The following XPO4 variants were observed in gnomAD, a reference collection of about 807,000 sequenced individuals.
The protein encoded by XPO4 is exportin 4, also known as exportin-4.
XPO4 carries 39 observed loss-of-function variants against 143.0 expected under a neutral mutation model. The observed-to-expected ratio is 0.27, with a 90% CI of 0.21 to 0.36. The LOEUF (loss-of-function observed/expected upper bound fraction) is 0.36, where lower values mean the gene tolerates loss of function less well. XPO4 is among the 10% of genes least tolerant of loss of function. The pLI is 1.00. For missense variants in XPO4, 907 were observed against 1,348.0 expected, an observed-to-expected ratio of 0.67 and a Z score of 5.12; for synonymous variants, 439 against 474.0, an observed-to-expected ratio of 0.93 and a Z score of 0.96.
intron 3 of XPO4, among the ~76,000 whole-genome samples, chr13:20,862,506 T>C (rs1284691779): frequency 6.6e-6 from 1 of 152,180 alleles, no homozygotes; most frequent in Non-Finnish European, 1.5e-5. Context: ...TTTTTTGTAC[T>C]TAGTAGAGAT....
chr13:20,859,949 G>A, intron 3 of XPO4: 4 of 631,770 alleles, frequency 6.3e-6, no homozygotes, highest in Non-Finnish European at 7.9e-6. Flanking sequence ...CGACAAGGGG[G>A]AGAAAAGGCT....
chr13:20,809,756 A>C (rs765824508), intron 10 of XPO4, 35 bp downstream of exon 10: 22 of 1,566,856 alleles, frequency 1.4e-5, no homozygotes, highest in Non-Finnish European at 1.7e-5. Context: ...CTATGATGAA[A>C]TAGACTGTTA....
At chr13:20,810,433 C>CA (rs1327250997) in intron 9 of XPO4, among the ~76,000 whole-genome samples, 1 of 152,124 alleles carries the variant, frequency 6.6e-6, no homozygotes, top group East Asian at 1.9e-4. Flanking sequence ...AGTAGAAAAG[C>CA]ACTGTCTTCA....
chr13:20,837,452 G>T (rs983179794), intron 6 of XPO4, among the ~76,000 whole-genome samples: 1 of 151,810 alleles, frequency 6.6e-6, no homozygotes, highest in African/African-American at 2.4e-5. Context: ...CAGGCTAGAG[G>T]TAGAGTGCAA....
chr13:20,855,876 T>C, intron 3 of XPO4, 111 bp from the exon 4 acceptor site: 3 of 1,186,052 alleles, frequency 2.5e-6, no homozygotes, highest in Non-Finnish European at 1.2e-6. Context: ...CATGTGAGAG[T>C]AGAAGAGCCA....
intron 12 of XPO4, 60 bp downstream of exon 12, chr13:20,808,376 C>A (rs2137886418): frequency 6.9e-7 from 1 of 1,442,660 alleles, no homozygotes; most frequent in South Asian, 1.7e-5. Flanking sequence ...TAGGAAGCTT[C>A]TTTTAAGGCT....
At chr13:20,814,758 C>T (rs1015443793) in intron 9 of XPO4, among the ~76,000 whole-genome samples, 2 of 152,200 alleles carry the variant, frequency 1.3e-5, no homozygotes, top group Non-Finnish European at 2.9e-5. Context: ...GGGCTTAGAG[C>T]TTACGAGACT....
At chr13:20,893,736 A>G (rs1203678006) in intron 1 of XPO4, among the ~76,000 whole-genome samples, 1 of 113,704 alleles carries the variant, frequency 8.8e-6, no homozygotes, top group Admixed American at 8.3e-5. Context: ...GCGCCACTGC[A>G]CTCCTGGCTG....
intron 3 of XPO4, chr13:20,857,787 C>T: frequency 1.1e-6 from 1 of 922,202 alleles, no homozygotes; most frequent in Non-Finnish European, 1.3e-6. Flanking sequence ...CTGCCCAATG[C>T]TGCAGAGTTA....
chr13:20,890,798 C>CAAAAA (rs60214499), intron 1 of XPO4, among the ~76,000 whole-genome samples: 3 of 93,132 alleles, frequency 3.2e-5, no homozygotes, highest in East Asian at 6.0e-4. Flanking sequence ...GACCCTGCCT[C>CAAAAA]AAAAAAAAAA....
At chr13:20,882,373 G>A (rs558388506) in intron 1 of XPO4, among the ~76,000 whole-genome samples, 1 of 152,048 alleles carries the variant, frequency 6.6e-6, no homozygotes, top group Non-Finnish European at 1.5e-5. Context: ...GAGGGCAAAG[G>A]GAGAGCCAGC....
At chr13:20,882,109 C>CAAAAAAAAAAAAAAA (rs35404161) in intron 1 of XPO4, among the ~76,000 whole-genome samples, 10 of 93,342 alleles carry the variant, frequency 1.1e-4, no homozygotes, top group African/African-American at 3.8e-4. Flanking sequence ...GACTCGGTCT[C>CAAAAAAAAAAAAAAA]AAAAAAAAAA....
Position 20,849,681 on chromosome 13 carries a change from A to AATACATCAT in XPO4, c.457-5804_457-5796dup, listed in dbSNP as rs1469078476. On this transcript the variant is annotated intron_variant, in intron 4 of 22. Coordinates refer to ENST00000255305, the MANE Select transcript of XPO4 (RefSeq NM_022459.5). ...ATCATACAGGCATAAATTAACTAAG[A>AATACATCAT]ATACATCATTTTTTACACAAATTAG... 1.8e-5 allele frequency: 18 copies of AATACATCAT among 984,496 alleles called. No homozygotes were observed. In the African/African-American group the frequency reaches 3.1e-4, roughly 17 times the overall value. 61.0% of individuals were successfully genotyped at this position (984,496 alleles called of 1,614,324 possible).
At chr13:20,846,025 C>G (rs977696533) in intron 4 of XPO4, among the ~76,000 whole-genome samples, 3 of 152,098 alleles carry the variant, frequency 2.0e-5, no homozygotes, top group Non-Finnish European at 4.4e-5. Flanking sequence ...GATGAGATAA[C>G]CTATTAAAAA....
intron 9 of XPO4, among the ~76,000 whole-genome samples, chr13:20,810,986 C>T (rs888766446): frequency 3.3e-5 from 5 of 152,170 alleles, no homozygotes; most frequent in African/African-American, 1.2e-4. Flanking sequence ...CAGGCTGTTT[C>T]ACAGAGTTAC....
chr13:20,870,015 G>C (rs528552944), intron 1 of XPO4, among the ~76,000 whole-genome samples: 1 of 146,980 alleles, frequency 6.8e-6, no homozygotes, highest in Non-Finnish European at 1.5e-5. Context: ...CATGAGAATC[G>C]CTTGAACCCG....
At chr13:20,838,807 G>C (rs1289231680) in intron 6 of XPO4, among the ~76,000 whole-genome samples, 1 of 151,924 alleles carries the variant, frequency 6.6e-6, no homozygotes, top group Non-Finnish European at 1.5e-5. Flanking sequence ...CAGCAGCATT[G>C]TTAATAATAA....
At chr13:20,897,231 G>T (rs1225065722) in intron 1 of XPO4, among the ~76,000 whole-genome samples, 1 of 152,100 alleles carries the variant, frequency 6.6e-6, no homozygotes, top group Admixed American at 6.6e-5. Flanking sequence ...GACGTGTACT[G>T]TGGTTACAAA....
intron 18 of XPO4, among the ~76,000 whole-genome samples, chr13:20,795,259 G>A (rs1185554724): frequency 6.6e-6 from 1 of 152,118 alleles, no homozygotes; most frequent in Non-Finnish European, 1.5e-5. Context: ...AGTCAAGGTT[G>A]GCAGTGAGAT....
Sources: gnomAD v4.1 joint callset for allele counts (sites outside exome capture counted in the v4.1 genomes callset) on GRCh38, gnomAD v4.1.1 for gene constraint, MANE v1.5 for transcripts, NCBI Gene and HGNC (gene_info 2026-07-23, HGNC 2026-07-21) for gene names.